Variants in RBFOX1 observed in about 807,000 individuals in gnomAD.
The protein encoded by RBFOX1 is RNA binding protein fox-1 homolog 1.
In RBFOX1, 8 loss-of-function variants were observed where a neutral mutation model predicts 57.7. The observed-to-expected ratio is 0.14, with a 90% CI of 0.08 to 0.25. The LOEUF (loss-of-function observed/expected upper bound fraction) is 0.25, where lower values mean the gene tolerates loss of function less well. Among genes scored for constraint, RBFOX1 ranks in the 10% least tolerant of loss-of-function variants. The pLI is 1.00. For missense variants in RBFOX1, 611 were observed against 548.5 expected, an observed-to-expected ratio of 1.11 and a Z score of -1.14; for synonymous variants, 326 against 222.4, an observed-to-expected ratio of 1.47 and a Z score of -4.15.
chr16:5,329,083 C>G (rs2064670439), intron 1 of RBFOX1, among the ~76,000 whole-genome samples: 1 of 152,170 alleles, frequency 6.6e-6, no homozygotes, highest in Admixed American at 6.5e-5. Flanking sequence ...ATTTGATTCT[C>G]ACGAATCCCA....
chr16:6,235,549 C>T (rs1017582770), intron 1 of RBFOX1, among the ~76,000 whole-genome samples: 9 of 103,106 alleles, frequency 8.7e-5, no homozygotes, highest in South Asian at 4.3e-4. Context: ...TGTGTGTGTG[C>T]GTGTATGTAT....
intron 3 of RBFOX1, among the ~76,000 whole-genome samples, chr16:5,728,875 G>A (rs2052253295): frequency 6.6e-6 from 1 of 152,120 alleles, no homozygotes; most frequent in Non-Finnish European, 1.5e-5. Flanking sequence ...CCAAAAGTCT[G>A]TACCTGTCAA....
chr16:7,387,542 A>G (rs2097905116), intron 4 of RBFOX1, among the ~76,000 whole-genome samples: 1 of 152,164 alleles, frequency 6.6e-6, no homozygotes, highest in African/African-American at 2.4e-5. Context: ...GCAAGAAGAG[A>G]GTGGCACATT....
chr16:7,387,532 G>T (rs896956926), intron 4 of RBFOX1, among the ~76,000 whole-genome samples: 2 of 152,174 alleles, frequency 1.3e-5, no homozygotes, highest in African/African-American at 4.8e-5. Context: ...ACATTTGCTG[G>T]CAAGAAGAGA....
At chr16:7,686,423 C>T (rs186191196) in intron 14 of RBFOX1, among the ~76,000 whole-genome samples, 69 of 152,176 alleles carry the variant, frequency 4.5e-4, no homozygotes, top group Admixed American at 1.5e-3. Flanking sequence ...GGCCACCACA[C>T]ATGCATTAGC....
intron 4 of RBFOX1, among the ~76,000 whole-genome samples, chr16:7,090,884 A>G (rs1169277315): frequency 4.7e-5 from 4 of 84,666 alleles, no homozygotes; most frequent in Non-Finnish European, 8.0e-5. Context: ...CTTGACCAGC[A>G]CAACCTCCCT....
intron 4 of RBFOX1, among the ~76,000 whole-genome samples, chr16:5,945,268 G>C (rs1213405148): frequency 6.6e-6 from 1 of 152,142 alleles, no homozygotes; most frequent in Non-Finnish European, 1.5e-5. Context: ...TTAGCTAGCA[G>C]ACACGAGGAC....
intron 4 of RBFOX1, among the ~76,000 whole-genome samples, chr16:7,241,887 T>G (rs2094083655): frequency 6.6e-6 from 1 of 152,258 alleles, no homozygotes; most frequent in Admixed American, 6.5e-5. Flanking sequence ...TATACTTATA[T>G]GTGATTTGTG....
intron 1 of RBFOX1, among the ~76,000 whole-genome samples, chr16:5,463,223 A>T (rs1296428685): frequency 6.6e-6 from 1 of 152,190 alleles, no homozygotes; most frequent in Non-Finnish European, 1.5e-5. Context: ...GGTTGGTAAC[A>T]TAATACGGAT....
At chr16:5,941,477 A>G (rs1597881058) in intron 4 of RBFOX1, among the ~76,000 whole-genome samples, 1 of 152,018 alleles carries the variant, frequency 6.6e-6, no homozygotes, top group East Asian at 1.9e-4. Flanking sequence ...GTGACAAAGC[A>G]AGATCTTATC....
At chr16:6,757,133 A>G (rs939767390) in intron 3 of RBFOX1, among the ~76,000 whole-genome samples, 2 of 152,264 alleles carry the variant, frequency 1.3e-5, no homozygotes, top group African/African-American at 4.8e-5. Context: ...ACTATTATCA[A>G]AAAGATAAAA....
intron 3 of RBFOX1, among the ~76,000 whole-genome samples, chr16:5,675,787 C>T (rs2050149933): frequency 6.6e-6 from 1 of 152,108 alleles, no homozygotes; most frequent in Non-Finnish European, 1.5e-5. Flanking sequence ...ACATGCTGCT[C>T]CTCTCCATTC....
At chr16:7,638,384 T>A (rs1020757227) in intron 11 of RBFOX1, among the ~76,000 whole-genome samples, 1 of 150,590 alleles carries the variant, frequency 6.6e-6, no homozygotes, top group African/African-American at 2.4e-5. Context: ...ACCAAGCCTG[T>A]TTAAATCCCA....
rs7202411 is a variant in RBFOX1, at chr16:6,673,612, A to G, written c.-16+18962A>G. On this transcript the variant is annotated intron_variant, in intron 3 of 15. Coordinates refer to ENST00000550418, the MANE Select transcript of RBFOX1 (RefSeq NM_018723.4). ...GAGCGAGACTCCATGTCAAAAAAAT[A>G]TATAGATATGTATTGAACACAAAGT... is the stretch of plus-strand genomic sequence containing the variant. Among the ~76,000 whole-genome samples the G allele has an allele frequency of 3.9e-5, 6 of 152,142 alleles. No homozygotes were observed. The South Asian group carries it at 6.2e-4, about 16-fold the overall frequency.
chr16:6,632,086 C>A (rs1326700097), intron 2 of RBFOX1, among the ~76,000 whole-genome samples: 1 of 152,078 alleles, frequency 6.6e-6, no homozygotes, highest in African/African-American at 2.4e-5. Flanking sequence ...GAAGGAGGTG[C>A]TGGGTTTGGT....
chr16:7,153,923 T>TAA (rs202091002), intron 4 of RBFOX1, among the ~76,000 whole-genome samples: 1 of 151,910 alleles, frequency 6.6e-6, no homozygotes, highest in Admixed American at 6.6e-5. Context: ...AACCTGGTTT[T>TAA]AAAAAAAACC....
intron 1 of RBFOX1, among the ~76,000 whole-genome samples, chr16:6,134,822 A>C (rs747950701): frequency 1.3e-4 from 20 of 148,284 alleles, no homozygotes; most frequent in Non-Finnish European, 1.6e-4. Context: ...TCCATTCTCT[A>C]GCATCTTACC....
intron 4 of RBFOX1, among the ~76,000 whole-genome samples, chr16:7,251,145 C>T (rs754189405): frequency 3.9e-5 from 6 of 152,130 alleles, no homozygotes; most frequent in African/African-American, 9.7e-5. Flanking sequence ...TATCCATTCA[C>T]CAACATCTCC....
chr16:6,604,318 A>G (rs1256108689), intron 2 of RBFOX1, among the ~76,000 whole-genome samples: 2 of 152,202 alleles, frequency 1.3e-5, no homozygotes, highest in East Asian at 1.9e-4. Flanking sequence ...CTTGTTACAC[A>G]TGATAACAGC....
Sources: gnomAD v4.1 joint callset for allele counts (sites outside exome capture counted in the v4.1 genomes callset) on GRCh38, gnomAD v4.1.1 for gene constraint, MANE v1.5 for transcripts, NCBI Gene and HGNC (gene_info 2026-07-23, HGNC 2026-07-21) for gene names.